Variants in AGBL1 observed in about 807,000 individuals in gnomAD.
AGBL1 encodes the protein cytosolic carboxypeptidase 4.
AGBL1 carries 130 observed loss-of-function variants against 118.9 expected under a neutral mutation model. That is an observed-to-expected ratio of 1.09 (90% confidence interval 0.95 to 1.26). The LOEUF (loss-of-function observed/expected upper bound fraction) is 1.26. Ranked by LOEUF, AGBL1 falls within the 50% of genes most tolerant of loss-of-function variation. The pLI is 0.00. For missense variants in AGBL1, 1,584 were observed against 1,298.1 expected, an observed-to-expected ratio of 1.22 and a Z score of -3.38; for synonymous variants, 555 against 478.9, an observed-to-expected ratio of 1.16 and a Z score of -2.08.
At chr15:86,143,595 A>G (rs556515841) in intron 2 of AGBL1, 104 bp from the exon 3 acceptor site, 12 of 1,389,116 alleles carry the variant, frequency 8.6e-6, no homozygotes, top group Non-Finnish European at 6.8e-6. Context: ...CGTAGTTGAA[A>G]TGAACTAATT....
intron 18 of AGBL1, among the ~76,000 whole-genome samples, chr15:86,467,043 A>C (rs2082416631): frequency 6.6e-6 from 1 of 152,246 alleles, no homozygotes; most frequent in Non-Finnish European, 1.5e-5. Context: ...GCGTGCAGGA[A>C]CATTTAATTC....
At chr15:86,567,674 G>A (rs1305361466) in intron 21 of AGBL1, among the ~76,000 whole-genome samples, 2 of 152,156 alleles carry the variant, frequency 1.3e-5, no homozygotes, top group East Asian at 3.9e-4. Context: ...TTGAATGGGG[G>A]AGGAGGTGTC....
At chr15:86,875,599 A>G (rs761296565) in intron 22 of AGBL1, among the ~76,000 whole-genome samples, 22 of 152,204 alleles carry the variant, frequency 1.4e-4, no homozygotes, top group Non-Finnish European at 2.2e-4. Flanking sequence ...TTAGCACAGC[A>G]CTGACACATA....
chr15:87,017,923 G>A (rs995669784), intron 24 of AGBL1, among the ~76,000 whole-genome samples: 3 of 152,130 alleles, frequency 2.0e-5, no homozygotes, highest in Non-Finnish European at 4.4e-5. Context: ...AAAGCTGATA[G>A]CCAGGACAGC....
chr15:86,131,851 G>A (rs2076823861), intron 1 of AGBL1, among the ~76,000 whole-genome samples: 1 of 151,864 alleles, frequency 6.6e-6, no homozygotes, highest in Non-Finnish European at 1.5e-5. Flanking sequence ...TCGGGAGGCT[G>A]AGGTAGGAGG....
intron 21 of AGBL1, among the ~76,000 whole-genome samples, chr15:86,568,301 C>T (rs2083947485): frequency 6.6e-6 from 1 of 152,084 alleles, no homozygotes; most frequent in South Asian, 2.1e-4. Context: ...TGTAAGTTTT[C>T]TGGGGAGAAT....
At chr15:86,300,258 C>T (rs901449106) in intron 17 of AGBL1, among the ~76,000 whole-genome samples, 3 of 152,134 alleles carry the variant, frequency 2.0e-5, no homozygotes, top group African/African-American at 4.8e-5. Flanking sequence ...CTCACAACCT[C>T]GCATTCTAAA....
chr15:87,009,894 C>A (rs1236867918), intron 24 of AGBL1, among the ~76,000 whole-genome samples: 1 of 152,206 alleles, frequency 6.6e-6, no homozygotes, highest in African/African-American at 2.4e-5. Context: ...ATGCCTACAC[C>A]CCTATTTTAT....
intron 18 of AGBL1, among the ~76,000 whole-genome samples, chr15:86,508,023 T>A (rs1466755366): frequency 6.9e-6 from 1 of 145,350 alleles, no homozygotes; most frequent in Admixed American, 6.7e-5. Context: ...TTTTTTTTTT[T>A]GAGATGGAAT....
At chr15:86,154,661 G>C in intron 4 of AGBL1, 100 bp downstream of exon 4, 1 of 1,366,514 alleles carries the variant, frequency 7.3e-7, no homozygotes, top group Non-Finnish European at 9.8e-7. Flanking sequence ...GCATGGGTGA[G>C]AGATACACAT....
chr15:86,192,455 C>G (rs1221150016), intron 5 of AGBL1, among the ~76,000 whole-genome samples: 1 of 151,766 alleles, frequency 6.6e-6, no homozygotes, highest in Non-Finnish European at 1.5e-5. Flanking sequence ...TAAATTTTGT[C>G]TATCACATGG....
Position 86,147,417 on chromosome 15 carries a change from C to A in AGBL1, c.262+3572C>A, listed in dbSNP as rs188788331. Among the ~76,000 whole-genome samples the A allele has an allele frequency of 3.0e-3, 459 of 152,348 alleles. 3 individuals are homozygous for A. The highest frequency in any genetic ancestry group is 5.9e-3 in the Non-Finnish European group (400 of 68,028). On this transcript the variant is annotated intron_variant, in intron 3 of 22. Coordinates refer to ENST00000614907, the MANE Select transcript of AGBL1 (RefSeq NM_001386094.1). ...TGGGGGCACTCTCACTTAAATACTG[C>A]ACTTTTCCCAAGGTTAGCAACCTGC...
At chr15:86,149,336 T>C (rs917258380) in intron 3 of AGBL1, among the ~76,000 whole-genome samples, 1 of 151,998 alleles carries the variant, frequency 6.6e-6, no homozygotes, top group Non-Finnish European at 1.5e-5. Flanking sequence ...GACTGGCAAA[T>C]TGGATAAAGA....
chr15:86,978,164 A>G lies in AGBL1; in HGVS notation c.3222-9823A>G, dbSNP rs970242104. Among the ~76,000 whole-genome samples, 3 of 152,178 alleles carry G rather than the reference A, an allele frequency of 2.0e-5. No individual in the cohort carries two copies. In the East Asian group the frequency reaches 5.8e-4, roughly 29 times the overall value. On this transcript the variant is annotated intron_variant, in intron 23 of 24. Transcript: ENST00000441037. ...AACCACTATTGTCTGTTAACCTTACAAGTAAGTCAACACACACTTAGGTTG... is the reference window on the plus strand; with the variant it reads ...AACCACTATTGTCTGTTAACCTTACGAGTAAGTCAACACACACTTAGGTTG...
chr15:86,992,783 C>G (rs1330967585), intron 24 of AGBL1, among the ~76,000 whole-genome samples: 1 of 151,982 alleles, frequency 6.6e-6, no homozygotes, highest in Non-Finnish European at 1.5e-5. Context: ...TCAACAATGC[C>G]TAAACGGCTA....
chr15:86,295,343 C>A lies in AGBL1; in HGVS notation c.2309C>A (p.Pro770Gln), dbSNP rs370819074. 32 of 1,612,798 alleles carry A rather than the reference C, an allele frequency of 2.0e-5. No homozygotes were observed. The Admixed American group carries it at 3.7e-4, about 19-fold the overall frequency. Residue 770 changes from proline to glutamine, a missense_variant, in exon 17 of 23, where the codon CCG becomes CAG. Pro to Gln is a moderately conservative substitution (Grantham distance 76, BLOSUM62 -1). Transcript: ENST00000614907. ...DVLCQTLGGN[P>Q]CPLVTITAMP... ...CTCTGCCAGACGCTGGGAGGGAATC[C>A]GTGTCCCTTGGTGACCATCACGGCC...
In AGBL1 at chr15:86,245,263, T is replaced by C. The variant is rs7165459; in HGVS notation, c.527-2408T>C. Among the ~76,000 whole-genome samples, 1,491 of 152,354 alleles carry C rather than the reference T, an allele frequency of 9.8e-3. 32 individuals are homozygous for C. The highest frequency in any genetic ancestry group is 0.034 in the African/African-American group (1,422 of 41,580). On this transcript the variant is annotated intron_variant, in intron 6 of 22. Transcript: ENST00000614907. ...TTGTTTGCACTCATATGCACTCACA[T>C]GGTCTTAGGGAGAAATCTGACTTTG...
At chr15:87,004,603 C>T (rs1038898844) in intron 24 of AGBL1, among the ~76,000 whole-genome samples, 17 of 152,132 alleles carry the variant, frequency 1.1e-4, no homozygotes, top group African/African-American at 4.1e-4. Context: ...AGATGGGTCT[C>T]CTGAATACAG....
chr15:86,900,621 G>A (rs184008973), intron 22 of AGBL1, among the ~76,000 whole-genome samples: 11 of 151,612 alleles, frequency 7.3e-5, no homozygotes, highest in African/African-American at 2.2e-4. Flanking sequence ...AAAGATAATC[G>A]AGTATCTTAT....
Sources: gnomAD v4.1 joint callset for allele counts (sites outside exome capture counted in the v4.1 genomes callset) on GRCh38, gnomAD v4.1.1 for gene constraint, MANE v1.5 for transcripts, NCBI Gene and HGNC (gene_info 2026-07-23, HGNC 2026-07-21) for gene names.